EVA1C: variants seen among roughly 807,000 people sequenced by gnomAD.
EVA1C encodes the protein eva-1 homolog C.
EVA1C carries 25 observed loss-of-function variants against 45.4 expected under a neutral mutation model. The observed-to-expected ratio is 0.55, with a 90% confidence interval of 0.40 to 0.77. The LOEUF (loss-of-function observed/expected upper bound fraction) is 0.77, where lower values mean the gene tolerates loss of function less well. EVA1C is among the 30% of genes least tolerant of loss of function. EVA1C has a pLI of 0.00. For missense variants in EVA1C, 479 were observed against 554.8 expected, an observed-to-expected ratio of 0.86 and a Z score of 1.37; for synonymous variants, 190 against 221.2, an observed-to-expected ratio of 0.86 and a Z score of 1.25.
At chr21:32,482,031 T>C (rs1194879629) in intron 4 of EVA1C, among the ~76,000 whole-genome samples, 1 of 152,200 alleles carries the variant, frequency 6.6e-6, no homozygotes, top group Admixed American at 6.5e-5. Flanking sequence ...ATGATGATAA[T>C]GCTGATTCAC....
chr21:32,425,729 G>A (rs1478867140), intron 1 of EVA1C, among the ~76,000 whole-genome samples: 1 of 152,164 alleles, frequency 6.6e-6, no homozygotes, highest in Non-Finnish European at 1.5e-5. Flanking sequence ...CAGTCCAAGA[G>A]TGATTTTGTC....
intron 4 of EVA1C, among the ~76,000 whole-genome samples, chr21:32,483,645 C>T (rs1460615021): frequency 1.3e-5 from 2 of 152,142 alleles, no homozygotes; most frequent in Non-Finnish European, 2.9e-5. Flanking sequence ...AGCATAGATT[C>T]GATCTCACAG....
intron 1 of EVA1C, among the ~76,000 whole-genome samples, chr21:32,423,070 C>CAAAAAAAAAAAAAAAAA (rs3056306): frequency 5.8e-5 from 5 of 85,600 alleles, no homozygotes; most frequent in Admixed American, 1.6e-4. Flanking sequence ...GACTCTGTCT[C>CAAAAAAAAAAAAAAAAA]AAAAAAAAAA....
intron 5 of EVA1C, among the ~76,000 whole-genome samples, chr21:32,499,395 C>T (rs1261522522): frequency 6.6e-6 from 1 of 152,192 alleles, no homozygotes; most frequent in Non-Finnish European, 1.5e-5. Context: ...CAAGGACAGC[C>T]AAGGGACATT....
At position 32,514,799 on chromosome 21, in the gene EVA1C, C is replaced by G. The variant is rs770144376; in HGVS notation, c.950-15C>G. On this transcript the variant is annotated splice_polypyrimidine_tract_variant and intron_variant, in intron 7 of 7. Transcript: ENST00000300255. ...AGCTCCTCCCAGCTCCTGACATGTT[C>G]TCTTCCTCCTGCAGCCCACCCGGAG... 22 of 1,529,826 alleles carry G rather than the reference C, an allele frequency of 1.4e-5. No individual in the cohort carries two copies. Among genetic ancestry groups the G allele is most frequent in the Non-Finnish European group, 1.9e-5 (22 of 1,138,002 alleles). The allele number at this position is 1,529,826 out of a possible 1,614,324, so 94.8% of individuals were successfully genotyped here.
intron 1 of EVA1C, among the ~76,000 whole-genome samples, chr21:32,442,887 A>C (rs2035228686): frequency 6.6e-6 from 1 of 151,958 alleles, no homozygotes; most frequent in African/African-American, 2.4e-5. Context: ...CTCTGGCTTC[A>C]GAAAAGAAAG....
chr21:32,447,326 G>A (rs908058727), intron 1 of EVA1C, among the ~76,000 whole-genome samples: 3 of 151,650 alleles, frequency 2.0e-5, no homozygotes, highest in African/African-American at 7.3e-5. Context: ...CCAAAATCAC[G>A]CCACTGCACT....
chr21:32,469,629 G>C (rs1238190004), intron 4 of EVA1C, among the ~76,000 whole-genome samples: 4 of 152,174 alleles, frequency 2.6e-5, no homozygotes, highest in African/African-American at 7.2e-5. Flanking sequence ...GGGTGGTAGG[G>C]GCTGGCAAGT....
intron 7 of EVA1C, among the ~76,000 whole-genome samples, chr21:32,510,298 G>A (rs555492933): frequency 6.6e-6 from 1 of 151,792 alleles, no homozygotes; most frequent in Non-Finnish European, 1.5e-5. Context: ...CAAGTGATCC[G>A]CCCACCTCAG....
chr21:32,416,617 C>A (rs2034059825), intron 1 of EVA1C, among the ~76,000 whole-genome samples: 1 of 152,172 alleles, frequency 6.6e-6, no homozygotes. Flanking sequence ...GCATGAGCCA[C>A]CGCACCCAGC....
At chr21:32,492,590 T>C (rs985263248) in intron 4 of EVA1C, among the ~76,000 whole-genome samples, 1 of 152,172 alleles carries the variant, frequency 6.6e-6, no homozygotes, top group African/African-American at 2.4e-5. Flanking sequence ...CCCTGACCTA[T>C]GCTTCTTCAC....
intron 5 of EVA1C, 117 bp from the exon 6 acceptor site, chr21:32,501,298 T>C: frequency 1.2e-6 from 1 of 839,892 alleles, no homozygotes; most frequent in Admixed American, 2.7e-5. Context: ...GAGTGATTCT[T>C]GCACTGATTT....
intron 1 of EVA1C, among the ~76,000 whole-genome samples, chr21:32,422,645 A>G (rs567619434): frequency 2.6e-5 from 4 of 152,336 alleles, no homozygotes; most frequent in Non-Finnish European, 4.4e-5. Flanking sequence ...TAGACAGCGA[A>G]ATAATATTTT....
intron 4 of EVA1C, among the ~76,000 whole-genome samples, chr21:32,482,335 T>C (rs546979555): frequency 6.6e-6 from 1 of 152,076 alleles, no homozygotes; most frequent in Non-Finnish European, 1.5e-5. Context: ...AGAGATACAG[T>C]GAAAAAAGAT....
chr21:32,426,881 C>A (rs1424351324), intron 1 of EVA1C, among the ~76,000 whole-genome samples: 1 of 152,158 alleles, frequency 6.6e-6, no homozygotes, highest in Admixed American at 6.5e-5. Context: ...AGCAGGGGCA[C>A]CAGCAGGAAT....
At position 32,495,082 on chromosome 21, in the gene EVA1C, G is replaced by A; in HGVS notation, c.690G>A (p.Gln230=). ...QVLSRRCYGK[Q]RCKIIVNNHH... ...TATCCCGAAGGTGCTATGGGAAGCA[G>A]AGATGCAAAATCATCGTCAACAATC... is the stretch of plus-strand genomic sequence containing the variant. The change falls in exon 5 of 8, where the codon CAG becomes CAA. Residue 230 remains glutamine (Q), a synonymous_variant. Coordinates refer to ENST00000300255, the MANE Select transcript of EVA1C (RefSeq NM_058187.5). The A allele has an allele frequency of 6.2e-7, 1 of 1,614,180 alleles. No individual in the cohort carries two copies. Among genetic ancestry groups the A allele is most frequent in the Non-Finnish European group, 8.5e-7 (1 of 1,180,020 alleles).
intron 1 of EVA1C, among the ~76,000 whole-genome samples, chr21:32,428,092 C>A (rs1161905182): frequency 6.6e-6 from 1 of 152,222 alleles, no homozygotes; most frequent in East Asian, 1.9e-4. Flanking sequence ...ACCCCTGGAT[C>A]CCTCTGAACT....
intron 1 of EVA1C, among the ~76,000 whole-genome samples, chr21:32,437,271 C>T (rs754170984): frequency 6.6e-6 from 1 of 152,234 alleles, no homozygotes; most frequent in Non-Finnish European, 1.5e-5. Context: ...AGCATGGGGC[C>T]CTGTGTGACT....
chr21:32,506,896 A>G (rs2037741813), intron 7 of EVA1C, among the ~76,000 whole-genome samples: 1 of 152,150 alleles, frequency 6.6e-6, no homozygotes, highest in African/African-American at 2.4e-5. Flanking sequence ...TGGGGTCTCT[A>G]GGCACCCCCA....
Sources: gnomAD v4.1 joint callset for allele counts (sites outside exome capture counted in the v4.1 genomes callset) on GRCh38, gnomAD v4.1.1 for gene constraint, MANE v1.5 for transcripts, NCBI Gene and HGNC (gene_info 2026-07-23, HGNC 2026-07-21) for gene names.